Variants in LRCH3 observed in about 807,000 individuals in gnomAD.
LRCH3 encodes DISP complex protein LRCH3.
Under a neutral mutation model 104.5 loss-of-function variants are expected in LRCH3, and 68 were observed. That is an observed-to-expected ratio of 0.65 (90% CI 0.54 to 0.80). LRCH3 has a LOEUF of 0.80. LRCH3 is among the 30% of genes least tolerant of loss of function. The pLI is 0.00. For missense variants in LRCH3, 951 were observed against 953.9 expected (o/e 1.00, Z 0.04); for synonymous variants, 344 against 361.3 (o/e 0.95, Z 0.54).
intron 1 of LRCH3, among the ~76,000 whole-genome samples, chr3:197,792,604 T>TATATATATATAA (rs1553912025): frequency 3.4e-5 from 2 of 58,522 alleles, no homozygotes; most frequent in Non-Finnish European, 7.3e-5. Flanking sequence ...TATATATATA[T>TATATATATATAA]AAAATATACA....
chr3:197,824,485 T>G (rs1261055665), intron 4 of LRCH3, among the ~76,000 whole-genome samples: 1 of 150,842 alleles, frequency 6.6e-6, no homozygotes, highest in Non-Finnish European at 1.5e-5. Flanking sequence ...CCAGATTCTC[T>G]ATCCCTTTTT....
intron 12 of LRCH3, chr3:197,850,421 T>G: frequency 2.2e-5 from 33 of 1,484,042 alleles, no homozygotes; most frequent in Non-Finnish European, 3.1e-5. Flanking sequence ...CCGTAAGTTT[T>G]TGTTTCTTCA....
intron 1 of LRCH3, 34 bp from the exon 2 acceptor site, chr3:197,814,874 A>G (rs756060497): frequency 1.3e-6 from 2 of 1,539,416 alleles, no homozygotes; most frequent in South Asian, 2.6e-5. Context: ...AGTTCCAAGG[A>G]CTGATTTTAA....
At chr3:197,865,740 AT>A (rs1741403282) in intron 16 of LRCH3, among the ~76,000 whole-genome samples, 2 of 151,204 alleles carry the variant, frequency 1.3e-5, no homozygotes. Flanking sequence ...TGAGATAGAA[AT>A]CAGATACAGA....
chr3:197,804,567 G>C (rs1367998901), intron 1 of LRCH3, among the ~76,000 whole-genome samples: 1 of 152,124 alleles, frequency 6.6e-6, no homozygotes, highest in African/African-American at 2.4e-5. Flanking sequence ...CTGAGGACTG[G>C]GGCTTTCCAC....
At chr3:197,869,814 A>G (rs1711889012) in intron 17 of LRCH3, among the ~76,000 whole-genome samples, 6 of 144,930 alleles carry the variant, frequency 4.1e-5, no homozygotes, top group Admixed American at 4.0e-4. Flanking sequence ...TGCAGGAGGT[A>G]GAAAGCGATG....
At chr3:197,811,453 A>G (rs1193540324) in intron 1 of LRCH3, among the ~76,000 whole-genome samples, 1 of 152,096 alleles carries the variant, frequency 6.6e-6, no homozygotes, top group African/African-American at 2.4e-5. Flanking sequence ...TTTCGCATTC[A>G]TAGTAGTGTC....
intron 20 of LRCH3, chr3:197,880,450 C>G (rs1053167409): frequency 4.2e-5 from 51 of 1,226,660 alleles, no homozygotes; most frequent in Middle Eastern, 3.7e-4. Context: ...ATACTCAAAT[C>G]TGCATTTCTG....
intron 2 of LRCH3, among the ~76,000 whole-genome samples, chr3:197,816,003 C>T (rs908970409): frequency 6.6e-5 from 10 of 152,066 alleles, no homozygotes; most frequent in African/African-American, 2.4e-4. Flanking sequence ...AGTTTATATA[C>T]TGTTGAAAAT....
Position 197,883,577 on chromosome 3 carries a change from A to C in LRCH3, c.2245A>C (p.Lys749Gln), listed in dbSNP as rs1454030266. The change falls in exon 21 of 21, where the codon AAA becomes CAA. Residue 749 changes from lysine to glutamine, a missense_variant. Transcript: ENST00000425562. The surrounding 1 kb of genome is among the most constrained non-coding windows in gnomAD (Gnocchi z 4.2). ...LCLPLHILEE[K>Q]GLSQVAVTVQ... ...TTTGCCTCTCCACATTTTAGAAGAGAAAGGTTTGAGCCAGGTTGCAGTGAC... is the reference window on the plus strand; with the variant it reads ...TTTGCCTCTCCACATTTTAGAAGAGCAAGGTTTGAGCCAGGTTGCAGTGAC... 1 of 1,536,048 alleles carries C rather than the reference A, an allele frequency of 6.5e-7. No homozygotes were observed. Among genetic ancestry groups the C allele is most frequent in the East Asian group, 2.4e-5 (1 of 40,920 alleles).
At chr3:197,882,694 T>C (rs920138458) in intron 20 of LRCH3, 149 of 985,142 alleles carry the variant, frequency 1.5e-4, no homozygotes, top group Non-Finnish European at 1.7e-4. Flanking sequence ...AAGATTTGCC[T>C]TTTTCTCTCA....
chr3:197,817,948 GT>G (rs1389244027), intron 3 of LRCH3, among the ~76,000 whole-genome samples: 1 of 152,118 alleles, frequency 6.6e-6, no homozygotes, highest in Non-Finnish European at 1.5e-5. Flanking sequence ...AGCCTCCTGA[GT>G]AGCTGGGACC....
At position 197,887,335 on chromosome 3, in the gene LRCH3, T is replaced by C. The variant is rs1714282888; in HGVS notation, c.*3669T>C. 1 of 154,746 alleles carries C rather than the reference T, an allele frequency of 6.5e-6. No homozygotes were observed. Among genetic ancestry groups the C allele is most frequent in the Admixed American group, 6.5e-5 (1 of 15,284 alleles). 9.6% of individuals were successfully genotyped at this position (154,746 alleles called of 1,614,324 possible). On this transcript the variant is annotated 3_prime_UTR_variant, in exon 21 of 21. Coordinates refer to ENST00000425562, the MANE Select transcript of LRCH3 (RefSeq NM_001365715.1). ...GCAGAGCCCTTCCCATCACTGACAG[T>C]GTTGGGGGTTGAGAGCCCCCCAGCA...
intron 12 of LRCH3, 165 bp from the exon 13 acceptor site, chr3:197,852,396 A>T (rs1205984945): frequency 1.1e-5 from 7 of 649,120 alleles, no homozygotes; most frequent in Non-Finnish European, 1.9e-5. Context: ...TATAGTTTTT[A>T]AAATTTCTAG....
intron 12 of LRCH3, among the ~76,000 whole-genome samples, chr3:197,848,686 T>C (rs1739127621): frequency 6.6e-6 from 1 of 152,252 alleles, no homozygotes; most frequent in African/African-American, 2.4e-5. Flanking sequence ...TACTTACTGC[T>C]GTGTCCCTAG....
intron 10 of LRCH3, among the ~76,000 whole-genome samples, chr3:197,843,817 G>T (rs1013049643): frequency 6.6e-6 from 1 of 151,980 alleles, no homozygotes; most frequent in Non-Finnish European, 1.5e-5. Context: ...ACACTTTTTC[G>T]GGAGAGGGTG....
In LRCH3 at chr3:197,810,393, T is replaced by C. The variant is rs1338878732; in HGVS notation, c.263-4515T>C. Among the ~76,000 whole-genome samples, 3 of 152,130 alleles carry C rather than the reference T, an allele frequency of 2.0e-5. No homozygotes were observed. The highest frequency in any genetic ancestry group is 7.2e-5 in the African/African-American group (3 of 41,434). Reference sequence around the variant, plus strand: ...GTCTCGAACTGCTGACCTTAGGTGATTCACCAGCCTCTGCCTCTGGAAGTG... The same window carrying C: ...GTCTCGAACTGCTGACCTTAGGTGACTCACCAGCCTCTGCCTCTGGAAGTG... On this transcript the variant is annotated intron_variant, in intron 1 of 20. Coordinates refer to ENST00000425562, the MANE Select transcript of LRCH3 (RefSeq NM_001365715.1). The surrounding 1 kb of genome is among the most constrained non-coding windows in gnomAD (Gnocchi z 4.0).
Position 197,866,180 on chromosome 3 carries a change from T to C in LRCH3, c.1834T>C (p.Phe612Leu), listed in dbSNP as rs1741462342. The change falls in exon 17 of 21, where the codon TTC becomes CTC. Residue 612 changes from phenylalanine to leucine, a missense_variant. Physicochemically the swap from Phe to Leu is conservative, Grantham distance 22 (BLOSUM62 0). Coordinates refer to ENST00000425562, the MANE Select transcript of LRCH3 (RefSeq NM_001365715.1). The stretch of plus-strand genomic sequence containing the variant: ...AAATCAGCCTCAGCGCCCTGAAAGC[T>C]TCCTTTTCCGAGCAGGTGTCAGGGC... ...QRNQPQRPES[F>L]LFRAGVRAET... 2 of 1,614,034 alleles carry C rather than the reference T, an allele frequency of 1.2e-6. No individual in the cohort carries two copies. The highest frequency in any genetic ancestry group is 1.7e-6 in the Non-Finnish European group (2 of 1,180,004).
chr3:197,872,164 C>T (rs1038585940), intron 19 of LRCH3, among the ~76,000 whole-genome samples: 9 of 150,568 alleles, frequency 6.0e-5, no homozygotes, highest in African/African-American at 1.5e-4. Context: ...TGAGACCAGC[C>T]AGGACAATAT....
Sources: allele counts gnomAD v4.1 joint callset (sites outside exome capture counted in the v4.1 genomes callset), GRCh38; gene constraint gnomAD v4.1.1; non-coding constraint Gnocchi (gnomAD v3.1); transcripts MANE v1.5; gene names NCBI Gene and HGNC (gene_info 2026-07-23, HGNC 2026-07-21).